Variants in PLXNA4 observed in about 807,000 individuals in gnomAD.
PLXNA4 encodes the protein plexin A4.
PLXNA4 carries 44 observed loss-of-function variants against 191.8 expected under a neutral mutation model. The ratio of observed to expected loss-of-function variants is 0.23; its 90% CI spans 0.18 to 0.29. The LOEUF is 0.29. Among genes scored for constraint, PLXNA4 ranks in the 10% least tolerant of loss-of-function variants. The pLI, the probability that PLXNA4 is intolerant of heterozygous loss-of-function variation, is 1.00. For synonymous variants in PLXNA4, 1,082 were observed against 1,009.5 expected, an observed-to-expected ratio of 1.07 and a Z score of -1.36; for missense variants, 1,800 against 2,488.8, an observed-to-expected ratio of 0.72 and a Z score of 5.89.
intron 3 of PLXNA4, among the ~76,000 whole-genome samples, chr7:132,441,024 A>G (rs1236068727): frequency 6.6e-6 from 1 of 152,200 alleles, no homozygotes; most frequent in Admixed American, 6.5e-5. Context: ...TATTATTTCC[A>G]TTTTACATAT....
rs751985531 is a variant in PLXNA4 at position 132,168,447 on chromosome 7, G to T, written c.4143C>A (p.Arg1381=). The part of the protein sequence containing the change: ...TLESQRSFSM[R]DRGNVASLIM... ...TGAGTGAGGCCACGTTGCCACGGTC[G>T]CGCATGGAGAAGCTACGCTGGGACT... is the stretch of plus-strand genomic sequence containing the variant. The change falls in exon 22 of 32, where the codon CGC becomes CGA. Residue 1381 remains arginine, a synonymous_variant. Coordinates refer to ENST00000321063, the MANE Select transcript of PLXNA4 (RefSeq NM_020911.2). The T allele has an allele frequency of 3.7e-6, 6 of 1,613,956 alleles. No individual in the cohort carries two copies. The South Asian group carries it at 6.6e-5, about 18-fold the overall frequency.
intron 1 of PLXNA4, among the ~76,000 whole-genome samples, chr7:132,552,084 C>A (rs748409361): frequency 1.1e-4 from 16 of 152,086 alleles, no homozygotes; most frequent in Admixed American, 3.3e-4. Flanking sequence ...CAAGATGCAG[C>A]CGAAGTTGAC....
intron 3 of PLXNA4, among the ~76,000 whole-genome samples, chr7:132,451,797 G>T (rs1313885571): frequency 6.6e-6 from 1 of 152,240 alleles, no homozygotes; most frequent in Non-Finnish European, 1.5e-5. Flanking sequence ...TACCCCAGTG[G>T]CCCAGGAGTG....
intron 3 of PLXNA4, among the ~76,000 whole-genome samples, chr7:132,443,134 C>T (rs1201546678): frequency 3.3e-5 from 5 of 152,244 alleles, no homozygotes; most frequent in Admixed American, 2.6e-4. Context: ...CTTCAGGGGC[C>T]TAGCTCCCTC....
At chr7:132,554,680 G>T (rs1339554039) in intron 1 of PLXNA4, among the ~76,000 whole-genome samples, 2 of 152,188 alleles carry the variant, frequency 1.3e-5, no homozygotes, top group Non-Finnish European at 2.9e-5. Context: ...TTACACAGGA[G>T]AATCCCAGAG....
intron 1 of PLXNA4, among the ~76,000 whole-genome samples, chr7:132,566,726 T>A (rs1801743130): frequency 6.6e-6 from 1 of 152,222 alleles, no homozygotes; most frequent in Non-Finnish European, 1.5e-5. Context: ...TCCACAAACC[T>A]GTCAGAGTGG....
chr7:132,264,204 T>C (rs1041540650), intron 4 of PLXNA4: 3 of 152,194 alleles, frequency 2.0e-5, no homozygotes, highest in African/African-American at 7.2e-5. Context: ...TTAATTAAAT[T>C]GAAAGCTCTG....
intron 3 of PLXNA4, among the ~76,000 whole-genome samples, chr7:132,329,325 C>G (rs549982771): frequency 6.6e-6 from 1 of 152,158 alleles, no homozygotes; most frequent in African/African-American, 2.4e-5. Flanking sequence ...TTTGGGAATG[C>G]TCGCCCTCTC....
At chr7:132,445,257 T>C (rs1795861362) in intron 3 of PLXNA4, among the ~76,000 whole-genome samples, 1 of 151,130 alleles carries the variant, frequency 6.6e-6, no homozygotes, top group African/African-American at 2.4e-5. Context: ...ATTCCCAATC[T>C]GCCACCTGCT....
Position 132,616,821 on chromosome 7 carries a change from G to T in PLXNA4, c.-87+29107C>A, listed in dbSNP as rs138042638. On this transcript the variant is annotated intron_variant, in intron 2 of 4. Transcript: ENST00000378539. ...GGCCCTTTCACGGGTCATCTCTGTG[G>T]TAGACTGTGCGGTTCTCTGACCCTT... Among the ~76,000 whole-genome samples the T allele has an allele frequency of 1.7e-3, 254 of 152,246 alleles. 2 individuals carry two copies. Among genetic ancestry groups the T allele is most frequent in the African/African-American group, 5.7e-3 (238 of 41,546 alleles).
intron 5 of PLXNA4, among the ~76,000 whole-genome samples, 192 bp downstream of exon 5, chr7:132,240,874 G>A (rs937445796): frequency 6.6e-6 from 1 of 152,164 alleles, no homozygotes; most frequent in African/African-American, 2.4e-5. Context: ...AGGGAATTTG[G>A]CAAATTTAAA....
intron 28 of PLXNA4, among the ~76,000 whole-genome samples, chr7:132,146,079 C>CAAAAAA (rs67412588): frequency 7.6e-4 from 37 of 48,908 alleles, no homozygotes; most frequent in East Asian, 1.9e-3. Context: ...GACTCTGTCT[C>CAAAAAA]AAAAAAAAAA....
chr7:132,135,053 T>C (rs1431010798), intron 30 of PLXNA4, among the ~76,000 whole-genome samples: 1 of 152,234 alleles, frequency 6.6e-6, no homozygotes, highest in East Asian at 1.9e-4. Flanking sequence ...TTCCATTTTA[T>C]AGTGGGACAC....
chr7:132,300,229 G>T (rs1382803439), intron 3 of PLXNA4, among the ~76,000 whole-genome samples: 1 of 152,110 alleles, frequency 6.6e-6, no homozygotes, highest in Non-Finnish European at 1.5e-5. Flanking sequence ...AATTCAGTTT[G>T]ACTCTGGAAG....
chr7:132,561,833 C>T (rs184300588), intron 1 of PLXNA4, among the ~76,000 whole-genome samples: 38 of 141,818 alleles, frequency 2.7e-4, no homozygotes, highest in Admixed American at 9.1e-4. Context: ...TCTTCTCCTC[C>T]GCCTCCTTCT....
rs374458102 is a variant in PLXNA4 at position 132,183,390 on chromosome 7, AG to A, written c.3159-1201del. ...CACCATCACTGTTCACAAGTAACCC[AG>A]GTGGCTTATAAGAGCAGAGCCTCAC... On this transcript the variant is annotated intron_variant, in intron 16 of 31. Coordinates refer to ENST00000321063, the MANE Select transcript of PLXNA4 (RefSeq NM_020911.2). Among the ~76,000 whole-genome samples, 375 of 152,344 alleles carry A rather than the reference AG, an allele frequency of 2.5e-3. 3 individuals carry two copies. The highest frequency in any genetic ancestry group is 8.7e-3 in the African/African-American group (363 of 41,588).
chr7:132,285,724 G>A lies in PLXNA4; in HGVS notation c.1503+12367C>T, dbSNP rs543134094. ...GAAAACGTCCCATTGATATTCAAAC[G>A]GAGTGTAAAATGTACTTAAGTATCA... On this transcript the variant is annotated intron_variant, in intron 4 of 31. Transcript: ENST00000321063. 6.6e-5 allele frequency among the ~76,000 whole-genome samples: 10 copies of A among 152,324 alleles called. No homozygotes were observed. In the South Asian group the frequency reaches 1.0e-3, roughly 16 times the overall value.
chr7:132,484,955 T>C lies in PLXNA4; in HGVS notation c.1371+4337A>G, dbSNP rs982324151. 2.5e-6 allele frequency: 4 copies of C among 1,613,970 alleles called. No individual in the cohort carries two copies. Among genetic ancestry groups the C allele is most frequent in the Non-Finnish European group, 3.4e-6 (4 of 1,180,036 alleles). On this transcript the variant is annotated intron_variant, in intron 3 of 31. Transcript: ENST00000321063. ...AGAAGCAATGTTCGCCCCAGGTGGG[T>C]CTCCCTCCACTCCAATCCACTCCTG...
chr7:132,311,673 C>T (rs1801749202), intron 3 of PLXNA4, among the ~76,000 whole-genome samples: 1 of 152,184 alleles, frequency 6.6e-6, no homozygotes, highest in Non-Finnish European at 1.5e-5. Flanking sequence ...CTCCCCGTCC[C>T]ACACATCTCT....
Sources: gnomAD v4.1 joint callset for allele counts (sites outside exome capture counted in the v4.1 genomes callset) on GRCh38, gnomAD v4.1.1 for gene constraint, MANE v1.5 for transcripts, NCBI Gene and HGNC (gene_info 2026-07-23, HGNC 2026-07-21) for gene names.